The following ULK4 variants were observed in gnomAD, a reference collection of about 807,000 sequenced individuals.
ULK4 encodes inactive serine/threonine-protein kinase ULK4.
A neutral mutation model predicts 160.6 loss-of-function variants in ULK4; 133 were observed. That is an observed-to-expected ratio of 0.83 (90% CI 0.72 to 0.96). The LOEUF (loss-of-function observed/expected upper bound fraction) is 0.96. Among genes scored for constraint, ULK4 ranks in the 40% least tolerant of loss-of-function variants. The pLI is 0.00. For missense variants in ULK4, 1,580 were observed against 1,499.5 expected, an observed-to-expected ratio of 1.05 and a Z score of -0.89; for synonymous variants, 534 against 539.8, an observed-to-expected ratio of 0.99 and a Z score of 0.15.
intron 35 of ULK4, among the ~76,000 whole-genome samples, chr3:41,337,671 A>G (rs1336788699): frequency 6.6e-6 from 1 of 152,192 alleles, no homozygotes; most frequent in East Asian, 1.9e-4. Context: ...CCTTCACACA[A>G]TATGCTGCGG....
At chr3:41,556,450 C>T (rs2087303730) in intron 32 of ULK4, among the ~76,000 whole-genome samples, 2 of 151,030 alleles carry the variant, frequency 1.3e-5, no homozygotes, top group African/African-American at 4.9e-5. Context: ...AAAAAGAGAA[C>T]ACCAGCCAGA....
intron 32 of ULK4, among the ~76,000 whole-genome samples, chr3:41,526,336 A>C (rs2086116110): frequency 6.6e-6 from 1 of 152,198 alleles, no homozygotes; most frequent in African/African-American, 2.4e-5. Context: ...GGACAGAGCC[A>C]GAGGTATGCA....
intron 35 of ULK4, among the ~76,000 whole-genome samples, chr3:41,277,012 T>C (rs1395422958): frequency 6.6e-6 from 1 of 152,078 alleles, no homozygotes; most frequent in Non-Finnish European, 1.5e-5. Flanking sequence ...CTAGAAGAGA[T>C]GGATAAATTC....
Position 41,249,572 on chromosome 3 carries a change from G to A in ULK4, c.3681C>T (p.Ile1227=). 2.5e-6 allele frequency: 4 copies of A among 1,613,674 alleles called. No homozygotes were observed. The highest frequency in any genetic ancestry group is 3.4e-6 in the Non-Finnish European group (4 of 1,179,794). Residue 1227 remains isoleucine, a splice_region_variant and synonymous_variant, in exon 36 of 37, where the codon ATC becomes ATT. Transcript: ENST00000301831. ...KLLLRILRRM[I]TSNEKHLESL... ...TCTCCAAGTGCTTCTCATTGGAGGT[G>A]ATCTGCAAGGGCAGGAGGAAGAAGA... is the stretch of plus-strand genomic sequence containing the variant.
At chr3:41,624,748 C>A (rs560548484) in intron 30 of ULK4, among the ~76,000 whole-genome samples, 1 of 152,060 alleles carries the variant, frequency 6.6e-6, no homozygotes, top group Admixed American at 6.6e-5. Context: ...TCATCCTTAT[C>A]GTCACAAATG....
At chr3:41,553,592 AAC>A (rs1353098467) in intron 32 of ULK4, among the ~76,000 whole-genome samples, 1 of 152,140 alleles carries the variant, frequency 6.6e-6, no homozygotes, top group Non-Finnish European at 1.5e-5. Flanking sequence ...GACAAAAAAT[AAC>A]AGATGCTGGA....
intron 18 of ULK4, among the ~76,000 whole-genome samples, chr3:41,832,721 G>A (rs1352951141): frequency 6.6e-6 from 1 of 152,156 alleles, no homozygotes; most frequent in Non-Finnish European, 1.5e-5. Context: ...TTTGTATAAG[G>A]TGCAAGGAAT....
intron 35 of ULK4, among the ~76,000 whole-genome samples, chr3:41,345,145 G>A (rs1355693065): frequency 6.6e-6 from 1 of 152,170 alleles, no homozygotes; most frequent in Non-Finnish European, 1.5e-5. Context: ...TGAGATTGCA[G>A]AGAAAAAGGA....
At chr3:41,425,408 A>G (rs532487399) in intron 34 of ULK4, among the ~76,000 whole-genome samples, 1 of 152,310 alleles carries the variant, frequency 6.6e-6, no homozygotes, top group African/African-American at 2.4e-5. Context: ...TCCCCAACCT[A>G]TCCAGACAGG....
chr3:41,626,147 A>T (rs941529854), intron 30 of ULK4, among the ~76,000 whole-genome samples: 1 of 152,216 alleles, frequency 6.6e-6, no homozygotes, highest in Non-Finnish European at 1.5e-5. Flanking sequence ...GGTTTATATT[A>T]TTAACAAAGG....
At chr3:41,767,864 A>G (rs1297758057) in intron 21 of ULK4, among the ~76,000 whole-genome samples, 2 of 152,154 alleles carry the variant, frequency 1.3e-5, no homozygotes, top group Non-Finnish European at 2.9e-5. Context: ...CCTCAAAGGG[A>G]TGAACAAATG....
intron 32 of ULK4, among the ~76,000 whole-genome samples, chr3:41,499,676 A>C (rs1343949028): frequency 6.6e-6 from 1 of 152,216 alleles, no homozygotes; most frequent in Non-Finnish European, 1.5e-5. Context: ...AATTACGCAA[A>C]GGCCTGCCAA....
At chr3:41,905,128 A>G (rs1250837750) in intron 12 of ULK4, among the ~76,000 whole-genome samples, 1 of 152,222 alleles carries the variant, frequency 6.6e-6, no homozygotes, top group East Asian at 1.9e-4. Flanking sequence ...TGCCACTGGT[A>G]TAAGGACAGA....
intron 32 of ULK4, among the ~76,000 whole-genome samples, chr3:41,506,013 T>G (rs1325096637): frequency 6.6e-6 from 1 of 152,166 alleles, no homozygotes; most frequent in Non-Finnish European, 1.5e-5. Context: ...TTTTAAATTA[T>G]AAATATATGT....
intron 22 of ULK4, among the ~76,000 whole-genome samples, chr3:41,730,284 A>T (rs1234513272): frequency 6.6e-6 from 1 of 152,168 alleles, no homozygotes; most frequent in Non-Finnish European, 1.5e-5. Flanking sequence ...GGAAAGAAGT[A>T]ACATAAGTCA....
At chr3:41,674,451 C>A (rs1427303329) in intron 29 of ULK4, among the ~76,000 whole-genome samples, 2 of 152,170 alleles carry the variant, frequency 1.3e-5, no homozygotes, top group African/African-American at 2.4e-5. Flanking sequence ...GAATAAAAAT[C>A]ACGGTAATTT....
At chr3:41,862,109 G>T (rs1717029) in intron 17 of ULK4, among the ~76,000 whole-genome samples, 20,136 of 151,994 alleles carry the variant, frequency 0.13, 4,342 homozygotes, top group African/African-American at 0.45. Flanking sequence ...ACCCAGCCTG[G>T]GTATTTTCAA....
At chr3:41,720,584 A>C (rs946265473) in intron 22 of ULK4, among the ~76,000 whole-genome samples, 27 of 152,218 alleles carry the variant, frequency 1.8e-4, no homozygotes, top group African/African-American at 6.0e-4. Flanking sequence ...AAGAAGAGGA[A>C]AAAATGAGCA....
chr3:41,735,107 G>A (rs1324286088), intron 22 of ULK4, among the ~76,000 whole-genome samples: 1 of 152,116 alleles, frequency 6.6e-6, no homozygotes, highest in Non-Finnish European at 1.5e-5. Flanking sequence ...ATTGTTTAAA[G>A]GAAAGAAATG....
Sources: allele counts gnomAD v4.1 joint callset (sites outside exome capture counted in the v4.1 genomes callset), GRCh38; gene constraint gnomAD v4.1.1; transcripts MANE v1.5; gene names NCBI Gene and HGNC (gene_info 2026-07-23, HGNC 2026-07-21).